Variants in ABCA2 observed in about 807,000 individuals in gnomAD.
The protein encoded by ABCA2 is ATP-binding cassette sub-family A member 2.
Under a neutral mutation model 262.8 loss-of-function variants are expected in ABCA2, and 84 were observed. The ratio of observed to expected loss-of-function variants is 0.32; its 90% CI spans 0.27 to 0.38. ABCA2 has a LOEUF of 0.38. Ranked by LOEUF, ABCA2 falls within the 10% of genes least tolerant of loss-of-function variation. The probability of loss-of-function intolerance (pLI) is 1.00; values close to 1 mark genes in which losing one functional copy is unlikely to be tolerated. For synonymous variants in ABCA2, 1,696 were observed against 1,502.9 expected (o/e 1.13, Z -2.97); for missense variants, 2,662 against 3,405.9 (o/e 0.78, Z 5.44).
rs1378576038 is a variant in ABCA2, at chr9:137,010,699, A to G, written c.6095T>C (p.Val2032Ala). The G allele has an allele frequency of 1.2e-6, 2 of 1,610,842 alleles. No individual in the cohort carries two copies. Among genetic ancestry groups the G allele is most frequent in the Non-Finnish European group, 1.7e-6 (2 of 1,179,314 alleles). ...PVSTKPVEDDVDVASERQRVL... is the reference protein window; with the variant it reads ...PVSTKPVEDDADVASERQRVL... ...TCGCTGCCGCTCACTGGCCACGTCC[A>G]CATCATCCTCCACAGGCTTGGTAGA... is the stretch of plus-strand genomic sequence containing the variant. Residue 2032 changes from valine to alanine, a missense_variant, in exon 40 of 49, where the codon GTG (valine) becomes GCG (alanine). By Grantham distance (64) the Val-to-Ala change is moderately conservative (BLOSUM62 0). Around this residue, in one of 12 missense-constraint regions of ABCA2, gnomAD observed 602 missense variants for 897.4 expected, o/e 0.67. Coordinates refer to ENST00000341511, the MANE Select transcript of ABCA2 (RefSeq NM_001606.5).
rs899258059 is a variant in ABCA2, at chr9:137,021,803, C to A, written c.678+88G>T. ...TCTCCCAGGAGGAGCTCCAAGTCAC[C>A]AAAGGGGCCCTTTCCTCACCCACGG... On this transcript the variant is annotated intron_variant, in intron 7 of 48. Coordinates refer to ENST00000341511, the MANE Select transcript of ABCA2 (RefSeq NM_001606.5). This position sits in a 1 kb window ranked among gnomAD's most constrained non-coding sequence, Gnocchi z 6.0. 1.3e-5 allele frequency: 18 copies of A among 1,356,948 alleles called. No individual in the cohort carries two copies. Among genetic ancestry groups the A allele is most frequent in the Middle Eastern group, 3.7e-4 (2 of 5,342 alleles). 84.1% of individuals were successfully genotyped at this position (1,356,948 alleles called of 1,614,324 possible).
At chr9:137,010,545 C>G in intron 40 of ABCA2, 75 bp downstream of exon 40, 1 of 1,550,644 alleles carries the variant, frequency 6.4e-7, no homozygotes, top group Non-Finnish European at 8.9e-7. Context: ...CAGGCTCCAC[C>G]TCCACTGCTG....
chr9:137,016,165 C>T lies in ABCA2; in HGVS notation c.3114G>A (p.Leu1038=), dbSNP rs755228845. The T allele has an allele frequency of 3.1e-6, 5 of 1,612,662 alleles. No individual in the cohort carries two copies. In the South Asian group the frequency reaches 5.5e-5, roughly 18 times the overall value. ...CCGACGTTGGAGGGAACAGGCCGGT[C>T]AGGATGGACCTGGGTAGGTGGGCGG... is the stretch of plus-strand genomic sequence containing the variant. ...GAGKTTTMSI[L]TGLFPPTSGS... Residue 1038 remains leucine, a synonymous_variant, in exon 22 of 49, where the codon CTG becomes CTA. Coordinates refer to ENST00000341511, the MANE Select transcript of ABCA2 (RefSeq NM_001606.5).
chr9:137,019,805 C>T lies in ABCA2; in HGVS notation c.1426-499G>A, dbSNP rs1831389398. ...GCACGGCCTCCGGACCCCCAACTGC[C>T]CAGCTGTGCCCACCAGCTCCTTTGC... On this transcript the variant is annotated intron_variant, in intron 10 of 48. Transcript: ENST00000341511. The surrounding 1 kb of genome is among the most constrained non-coding windows in gnomAD (Gnocchi z 4.4). The T allele has an allele frequency of 5.1e-6, 1 of 194,560 alleles. No individual in the cohort carries two copies. The highest frequency in any genetic ancestry group is 2.4e-5 in the African/African-American group (1 of 41,816). The allele number at this position is 194,560 out of a possible 1,614,324, so 12.1% of individuals were successfully genotyped here.
At position 137,028,194 on chromosome 9, in the gene ABCA2, C is replaced by T; in HGVS notation, c.-54G>A. The stretch of plus-strand genomic sequence containing the variant: ...CCGCGGCCCGCTCCTCTGCGCGCCC[C>T]GCCGGGCCCCGCAGCCCGCCGCGCC... On this transcript the variant is annotated 5_prime_UTR_variant, in exon 1 of 49. Transcript: ENST00000341511. The surrounding 1 kb of genome is among the most constrained non-coding windows in gnomAD (Gnocchi z 6.9). 3 of 978,070 alleles carry T rather than the reference C, an allele frequency of 3.1e-6. No homozygotes were observed. Among genetic ancestry groups the T allele is most frequent in the Non-Finnish European group, 3.6e-6 (3 of 825,850 alleles). 60.6% of individuals were successfully genotyped at this position (978,070 alleles called of 1,614,324 possible).
chr9:137,015,249 C>T (rs1831214998), intron 24 of ABCA2, 152 bp from the exon 25 acceptor site: 2 of 1,218,846 alleles, frequency 1.6e-6, no homozygotes, highest in African/African-American at 1.5e-5. Flanking sequence ...GCTGAGGACC[C>T]AGCCTCTCCA....
chr9:137,008,657 G>T, intron 47 of ABCA2, 35 bp from the exon 48 acceptor site: 3 of 1,577,066 alleles, frequency 1.9e-6, no homozygotes, highest in East Asian at 2.3e-5. Flanking sequence ...GGAGGGGGCT[G>T]GTCTGGGGTG....
At chr9:137,023,334 C>G in intron 3 of ABCA2, 1 of 681,504 alleles carries the variant, frequency 1.5e-6, no homozygotes, top group East Asian at 2.8e-5. Flanking sequence ...CCAGTGCAGG[C>G]CCACATGCCC....
At chr9:137,010,904 TACCCTG>T (rs1564212966) in intron 39 of ABCA2, 63 bp downstream of exon 39, 1 of 205,438 alleles carries the variant, frequency 4.9e-6, no homozygotes, top group African/African-American at 1.5e-4. Context: ...CCCCCGCCCC[TACCCTG>T]CCCCACCCCC....
In ABCA2 at chr9:137,014,183, T is replaced by A; in HGVS notation, c.4225A>T (p.Asn1409Tyr). Reference protein sequence around the residue: ...PLFDNPQDPDNVSLQEVEAEA... With the variant: ...PLFDNPQDPDYVSLQEVEAEA... ...CCACCCCCACCTTGCAGGCTGACAT[T>A]GTCTGGGTCCTGTGGGTTATCAAAG... The change falls in exon 27 of 49, where the codon AAT (asparagine) becomes TAT (tyrosine). Residue 1409 changes from asparagine to tyrosine, a missense_variant. Transcript: ENST00000341511. 1 of 1,608,440 alleles carries A rather than the reference T, an allele frequency of 6.2e-7. No individual in the cohort carries two copies. The highest frequency in any genetic ancestry group is 8.5e-7 in the Non-Finnish European group (1 of 1,177,820).
intron 45 of ABCA2, 156 bp from the exon 46 acceptor site, chr9:137,009,209 C>A: frequency 1.0e-6 from 1 of 954,426 alleles, no homozygotes; most frequent in Non-Finnish European, 1.5e-6. Context: ...CTCCAGGCTC[C>A]TCCCCTGGCC....
rs1285297730 is a variant in ABCA2, at chr9:137,013,299, C to T, written c.4570G>A (p.Ala1524Thr). The part of the protein sequence containing the change: ...REYRLRLSPD[A>T]SPQQLVSTFR... Reference sequence around the variant, plus strand: ...GTGCTCACGAGCTGCTGGGGGCTGGCGTCGGGCGATAGCCGCAGCCTGCGG... The same window carrying T: ...GTGCTCACGAGCTGCTGGGGGCTGGTGTCGGGCGATAGCCGCAGCCTGCGG... The change falls in exon 30 of 49, where the codon GCC becomes ACC. Residue 1524 changes from alanine (A) to threonine (T), a missense_variant. Physicochemically the swap from Ala to Thr is moderately conservative, Grantham distance 58. Around this residue, in one of 12 missense-constraint regions of ABCA2, gnomAD observed 192 missense variants for 207.2 expected, o/e 0.93. Coordinates refer to ENST00000341511, the MANE Select transcript of ABCA2 (RefSeq NM_001606.5). 7 of 1,561,966 alleles carry T rather than the reference C, an allele frequency of 4.5e-6. No homozygotes were observed. Among genetic ancestry groups the T allele is most frequent in the Non-Finnish European group, 5.2e-6 (6 of 1,160,338 alleles).
In ABCA2 at chr9:137,013,467, T is replaced by TCGC. The variant is rs1313735328; in HGVS notation, c.4541_4543dup (p.Arg1514_Glu1515insGly). 9 of 1,603,194 alleles carry TCGC rather than the reference T, an allele frequency of 5.6e-6. No homozygotes were observed. Among genetic ancestry groups the TCGC allele is most frequent in the Non-Finnish European group, 7.6e-6 (9 of 1,176,856 alleles). ...CCCCCGCTGGAGGCCTCACCGGTACTCGCGGCGCTCCTCGTTGGCGTAGGG... is the reference window on the plus strand; with the variant it reads ...CCCCCGCTGGAGGCCTCACCGGTACTCGCCGCGGCGCTCCTCGTTGGCGTAGGG... On this transcript the variant is annotated inframe_insertion, in exon 29 of 49. Coordinates refer to ENST00000341511, the MANE Select transcript of ABCA2 (RefSeq NM_001606.5).
chr9:137,017,307 G>A lies in ABCA2; in HGVS notation c.2442C>T (p.Ala814=). The A allele has an allele frequency of 6.2e-7, 1 of 1,612,666 alleles. No individual in the cohort carries two copies. The highest frequency in any genetic ancestry group is 2.2e-5 in the East Asian group (1 of 44,870). ...AGTAGATGATGCCACCGCAGGCCGA[G>A]GCCAGCTTGGCCTTGGAGTACAGCA... The part of the protein sequence containing the change: ...VSVLYSKAKL[A]SACGGIIYFL... Residue 814 remains alanine (A), a synonymous_variant, in exon 18 of 49, where the codon GCC becomes GCT. Transcript: ENST00000341511.
At position 137,021,410 on chromosome 9, in the gene ABCA2, C is replaced by G; in HGVS notation, c.879G>C (p.Val293=). The G allele has an allele frequency of 1.2e-6, 2 of 1,608,886 alleles. No homozygotes were observed. The highest frequency in any genetic ancestry group is 1.7e-6 in the Non-Finnish European group (2 of 1,179,802). The change falls in exon 8 of 49, where the codon GTG becomes GTC. Residue 293 remains valine (V), a synonymous_variant. Transcript: ENST00000341511. This position sits in a 1 kb window ranked among gnomAD's most constrained non-coding sequence, Gnocchi z 6.0. ...GCCTCACCTGCTGGGAGACCTTGGC[C>G]ACGTCCAGCTGGTTCCGGAGCTCAG... The part of the protein sequence containing the change: ...LSAELRNQLD[V]AKVSQQLGLD...
chr9:137,016,504 G>A (rs1261199173), intron 20 of ABCA2, 33 bp from the exon 21 acceptor site: 1 of 1,612,476 alleles, frequency 6.2e-7, no homozygotes, highest in Non-Finnish European at 8.5e-7. Flanking sequence ...CAGGGTGGGG[G>A]CGGCGCCAAG....
rs967529689 is a variant in ABCA2 at position 137,019,618 on chromosome 9, C to T, written c.1426-312G>A. On this transcript the variant is annotated intron_variant, in intron 10 of 48. Transcript: ENST00000341511. The surrounding 1 kb of genome is among the most constrained non-coding windows in gnomAD (Gnocchi z 4.4). The stretch of plus-strand genomic sequence containing the variant: ...TGTATTTTTGGTAGAGACGGGCTTC[C>T]GCTATGTTGCTCGGGCTTGTCTCAA... 1.6e-5 allele frequency: 5 copies of T among 312,892 alleles called. No individual in the cohort carries two copies. The highest frequency in any genetic ancestry group is 2.4e-5 in the Non-Finnish European group (4 of 165,532). 19.4% of individuals were successfully genotyped at this position (312,892 alleles called of 1,614,324 possible).
chr9:137,011,993 C>A lies in ABCA2; in HGVS notation c.5386G>T (p.Ala1796Ser). ...GACATGGCCACGATGATGAAGATGGCGATGACGACATCCGTGCCCTGCAGC... is the reference window on the plus strand; with the variant it reads ...GACATGGCCACGATGATGAAGATGGAGATGACGACATCCGTGCCCTGCAGC... ...YLLQGTDVVI[A>S]IFIIVAMSFV... is the part of the protein sequence containing the mutation. Residue 1796 changes from alanine to serine, a missense_variant, in exon 35 of 49, where the codon GCC becomes TCC. Coordinates refer to ENST00000341511, the MANE Select transcript of ABCA2 (RefSeq NM_001606.5). This position sits in a 1 kb window ranked among gnomAD's most constrained non-coding sequence, Gnocchi z 8.8. 6.2e-7 allele frequency: 1 copy of A among 1,612,508 alleles called. No homozygotes were observed. Among genetic ancestry groups the A allele is most frequent in the Non-Finnish European group, 8.5e-7 (1 of 1,179,900 alleles).
In ABCA2 at chr9:137,009,531, G is replaced by A. The variant is rs534806456; in HGVS notation, c.6734+10C>T. ...GTGGGGGCACAAAGAGGGGGTGGGG[G>A]CGCCCTCACCTGTGTGATGTCAGCA... is the stretch of plus-strand genomic sequence containing the variant. On this transcript the variant is annotated intron_variant, in intron 44 of 48. Transcript: ENST00000341511. 3 of 1,612,468 alleles carry A rather than the reference G, an allele frequency of 1.9e-6. No individual in the cohort carries two copies. The highest frequency in any genetic ancestry group is 2.7e-5 in the African/African-American group (2 of 75,050).
Sources: allele counts gnomAD v4.1 joint callset, GRCh38; gene constraint gnomAD v4.1.1; regional missense constraint gnomAD v4.1.1; non-coding constraint Gnocchi (gnomAD v3.1); transcripts MANE v1.5; gene names NCBI Gene and HGNC (gene_info 2026-07-23, HGNC 2026-07-21).